FOXN3: variants seen among roughly 807,000 people sequenced by gnomAD.
FOXN3 encodes the protein forkhead box protein N3.
A neutral mutation model predicts 38.4 loss-of-function variants in FOXN3; 7 were observed. That is an observed-to-expected ratio of 0.18 (90% CI 0.10 to 0.34). The LOEUF is 0.34. FOXN3 is among the 10% of genes least tolerant of loss of function. FOXN3 has a pLI of 1.00. For missense variants in FOXN3, 456 were observed against 613.4 expected, an observed-to-expected ratio of 0.74 and a Z score of 2.71; for synonymous variants, 230 against 242.2, an observed-to-expected ratio of 0.95 and a Z score of 0.47.
At chr14:89,384,360 A>C (rs1203695457) in intron 2 of FOXN3, among the ~76,000 whole-genome samples, 2 of 152,212 alleles carry the variant, frequency 1.3e-5, no homozygotes, top group South Asian at 2.1e-4. Context: ...TGATAGTTCT[A>C]CTTAGTGGAA....
intron 3 of FOXN3, among the ~76,000 whole-genome samples, chr14:89,339,124 C>T (rs538927263): frequency 6.6e-6 from 1 of 152,272 alleles, no homozygotes; most frequent in South Asian, 2.1e-4. Flanking sequence ...AGGTGCCTGC[C>T]ACCATACCCA....
At chr14:89,471,846 T>A (rs1453766451) in intron 1 of FOXN3, among the ~76,000 whole-genome samples, 1 of 152,200 alleles carries the variant, frequency 6.6e-6, no homozygotes, top group African/African-American at 2.4e-5. Flanking sequence ...ATTTGCACCT[T>A]TCCCTCGGCC....
intron 3 of FOXN3, among the ~76,000 whole-genome samples, chr14:89,320,848 T>C (rs1887875122): frequency 6.6e-6 from 1 of 152,194 alleles, no homozygotes; most frequent in African/African-American, 2.4e-5. Flanking sequence ...AAGAGAACTG[T>C]TATGCTGGCT....
chr14:89,180,696 C>T lies in FOXN3; in HGVS notation c.851+5G>A. ...CTGGCTCTGCCCAGCGCACTCCCCACTTACCTCATGGCCGCTGTCACCCCA... is the reference window on the plus strand; with the variant it reads ...CTGGCTCTGCCCAGCGCACTCCCCATTTACCTCATGGCCGCTGTCACCCCA... On this transcript the variant is annotated splice_donor_5th_base_variant and intron_variant, in intron 5 of 5. Transcript: ENST00000557258. The T allele has an allele frequency of 6.2e-7, 1 of 1,600,242 alleles. No homozygotes were observed.
intron 5 of FOXN3, among the ~76,000 whole-genome samples, chr14:89,169,508 TAC>T (rs56217837): frequency 0.26 from 38,627 of 150,080 alleles, 5,375 homozygotes; most frequent in Middle Eastern, 0.34. Context: ...ACTAAGTGGT[TAC>T]ACACACACAC....
chr14:89,447,836 T>TTTTTTTG, intron 1 of FOXN3, among the ~76,000 whole-genome samples: 1 of 147,422 alleles, frequency 6.8e-6, no homozygotes, highest in Non-Finnish European at 1.5e-5. Flanking sequence ...TTTTTTTTTT[T>TTTTTTTG]GAGACGGAGC....
intron 4 of FOXN3, among the ~76,000 whole-genome samples, chr14:89,192,227 A>AT (rs896314139): frequency 1.4e-5 from 2 of 146,880 alleles, no homozygotes; most frequent in Non-Finnish European, 3.0e-5. Flanking sequence ...AATATTATAT[A>AT]TTAAGTATAT....
At chr14:89,264,422 G>C (rs546999038) in intron 4 of FOXN3, among the ~76,000 whole-genome samples, 1 of 152,144 alleles carries the variant, frequency 6.6e-6, no homozygotes, top group South Asian at 2.1e-4. Context: ...GAACAGCATG[G>C]GGAAATCACC....
chr14:89,226,245 G>T (rs1884637655), intron 4 of FOXN3, among the ~76,000 whole-genome samples: 2 of 151,960 alleles, frequency 1.3e-5, no homozygotes, highest in South Asian at 4.2e-4. Context: ...GAAAGGTAGA[G>T]AGAGAGAATC....
chr14:89,600,307 A>C (rs1896131541), intron 1 of FOXN3, among the ~76,000 whole-genome samples: 1 of 152,202 alleles, frequency 6.6e-6, no homozygotes, highest in South Asian at 2.1e-4. Flanking sequence ...CTGTATGGTC[A>C]TCCTAATAAT....
At chr14:89,194,897 G>A (rs539994629) in intron 4 of FOXN3, among the ~76,000 whole-genome samples, 3 of 152,170 alleles carry the variant, frequency 2.0e-5, no homozygotes, top group South Asian at 2.1e-4. Context: ...ACTCATGCAT[G>A]CAAATCTATT....
chr14:89,208,678 C>A (rs989580446), intron 4 of FOXN3, among the ~76,000 whole-genome samples: 18 of 152,154 alleles, frequency 1.2e-4, no homozygotes, highest in Admixed American at 3.3e-4. Flanking sequence ...GGAAATGCAA[C>A]CTGCCTGGAT....
intron 4 of FOXN3, among the ~76,000 whole-genome samples, chr14:89,194,190 G>T (rs1888038066): frequency 1.3e-5 from 2 of 151,814 alleles, no homozygotes; most frequent in African/African-American, 4.8e-5. Context: ...TTTTAGTCCA[G>T]TTTACCATTT....
chr14:89,411,423 G>GT (rs1891542646), intron 2 of FOXN3, among the ~76,000 whole-genome samples: 1 of 152,276 alleles, frequency 6.6e-6, no homozygotes, highest in Admixed American at 6.5e-5. Flanking sequence ...GTCTGCGAGC[G>GT]TAAGTATACT....
chr14:89,503,955 A>G (rs1385490934), intron 1 of FOXN3, among the ~76,000 whole-genome samples: 2 of 152,194 alleles, frequency 1.3e-5, no homozygotes, highest in Admixed American at 1.3e-4. Flanking sequence ...CCTTACTTCT[A>G]TTTATCTACA....
chr14:89,409,045 C>A (rs1288682821), intron 2 of FOXN3, among the ~76,000 whole-genome samples: 2 of 152,160 alleles, frequency 1.3e-5, no homozygotes, highest in Non-Finnish European at 2.9e-5. Flanking sequence ...CCTCTCACAG[C>A]AGCCAGCAGC....
intron 3 of FOXN3, among the ~76,000 whole-genome samples, chr14:89,326,300 T>C (rs1343009727): frequency 1.3e-5 from 2 of 152,232 alleles, no homozygotes; most frequent in African/African-American, 4.8e-5. Context: ...TAAGAAAATA[T>C]TAAACATGAG....
chr14:89,315,127 T>C (rs1023588618), intron 3 of FOXN3, among the ~76,000 whole-genome samples: 3 of 151,946 alleles, frequency 2.0e-5, no homozygotes, highest in African/African-American at 7.3e-5. Flanking sequence ...AAGGGGGTGA[T>C]AAATGTGTCT....
intron 4 of FOXN3, among the ~76,000 whole-genome samples, chr14:89,272,936 G>C (rs1023872175): frequency 6.6e-6 from 1 of 152,228 alleles, no homozygotes; most frequent in Non-Finnish European, 1.5e-5. Flanking sequence ...CCAGAGCCCT[G>C]AAATTTTTTG....
Sources: gnomAD v4.1 joint callset for allele counts (sites outside exome capture counted in the v4.1 genomes callset) on GRCh38, gnomAD v4.1.1 for gene constraint, MANE v1.5 for transcripts, NCBI Gene and HGNC (gene_info 2026-07-23, HGNC 2026-07-21) for gene names.